The following OSBPL5 variants were observed in gnomAD, a reference collection of about 807,000 sequenced individuals.
The protein encoded by OSBPL5 is oxysterol binding protein like 5.
Under a neutral mutation model 111.2 loss-of-function variants are expected in OSBPL5, and 71 were observed. The ratio of observed to expected loss-of-function variants is 0.64; its 90% CI spans 0.53 to 0.78. The LOEUF (loss-of-function observed/expected upper bound fraction) is 0.78, where lower values mean the gene tolerates loss of function less well. Ranked by LOEUF, OSBPL5 falls within the 30% of genes least tolerant of loss-of-function variation. The pLI, the probability that OSBPL5 is intolerant of heterozygous loss-of-function variation, is 0.00. For missense variants in OSBPL5, 1,210 were observed against 1,189.3 expected (o/e 1.02, Z -0.26); for synonymous variants, 549 against 513.9 (o/e 1.07, Z -0.93).
intron 7 of OSBPL5, among the ~76,000 whole-genome samples, chr11:3,118,437 A>G (rs1020688186): frequency 2.0e-5 from 3 of 152,176 alleles, no homozygotes; most frequent in Non-Finnish European, 4.4e-5. Context: ...TTCATCTTGC[A>G]TGTGTTGACT....
At chr11:3,132,478 G>A (rs1160218765) in intron 1 of OSBPL5, among the ~76,000 whole-genome samples, 1 of 151,878 alleles carries the variant, frequency 6.6e-6, no homozygotes, top group Non-Finnish European at 1.5e-5. Context: ...CATTTTAAAG[G>A]CCACATCTCC....
intron 1 of OSBPL5, among the ~76,000 whole-genome samples, chr11:3,163,324 A>C (rs1279717053): frequency 1.3e-5 from 2 of 152,196 alleles, no homozygotes; most frequent in African/African-American, 4.8e-5. Context: ...CCACAGAATC[A>C]GCAGAGAGCA....
intron 14 of OSBPL5, among the ~76,000 whole-genome samples, chr11:3,097,147 GGA>G (rs1307907749): frequency 6.6e-6 from 1 of 151,528 alleles, no homozygotes; most frequent in Non-Finnish European, 1.5e-5. Flanking sequence ...GGGAGGAGGA[GGA>G]GAGGAAAAGG....
chr11:3,091,017 T>C (rs910095073), intron 19 of OSBPL5, among the ~76,000 whole-genome samples: 1 of 152,056 alleles, frequency 6.6e-6, no homozygotes, highest in Non-Finnish European at 1.5e-5. Context: ...GCAGAGATGA[T>C]GGCATGGGGG....
At chr11:3,117,535 A>C (rs1435029102) in intron 7 of OSBPL5, among the ~76,000 whole-genome samples, 4 of 152,228 alleles carry the variant, frequency 2.6e-5, no homozygotes, top group Admixed American at 2.0e-4. Flanking sequence ...GTCCAAGTAT[A>C]ATAAAGCAAA....
At position 3,142,204 on chromosome 11, in the gene OSBPL5, C is replaced by A. The variant is rs1590710313; in HGVS notation, c.-21-13035G>T. ...AAAGTGCTGGGATTACAGGCGTGAG[C>A]CACCGTGCCCGGCCGACAGCTGGTT... On this transcript the variant is annotated intron_variant, in intron 1 of 21. Transcript: ENST00000263650. The surrounding 1 kb of genome is among the most constrained non-coding windows in gnomAD (Gnocchi z 7.1). Among the ~76,000 whole-genome samples, 1 of 152,368 alleles carries A rather than the reference C, an allele frequency of 6.6e-6. No homozygotes were observed. The highest frequency in any genetic ancestry group is 1.5e-5 in the Non-Finnish European group (1 of 68,042).
In OSBPL5 at chr11:3,087,637, A is replaced by G. The variant is rs998762585; in HGVS notation, c.*568T>C. Reference sequence around the variant, plus strand: ...GCCTCTGTGGGGCTCCCATCCAAACAGCACAGCGTGGAATAAAAAACCAAA... The same window carrying G: ...GCCTCTGTGGGGCTCCCATCCAAACGGCACAGCGTGGAATAAAAAACCAAA... On this transcript the variant is annotated 3_prime_UTR_variant, in exon 22 of 22. Transcript: ENST00000263650. 1 of 152,848 alleles carries G rather than the reference A, an allele frequency of 6.5e-6. No homozygotes were observed. Among genetic ancestry groups the G allele is most frequent in the Admixed American group, 6.5e-5 (1 of 15,284 alleles). The allele number at this position is 152,848 out of a possible 1,614,324, so 9.5% of individuals were successfully genotyped here. A position where few individuals can be genotyped will look rare whatever the true frequency, so the allele number is the denominator to read the frequency against.
intron 1 of OSBPL5, among the ~76,000 whole-genome samples, chr11:3,139,731 C>G (rs1846050572): frequency 6.6e-6 from 1 of 152,210 alleles, no homozygotes; most frequent in East Asian, 1.9e-4. Flanking sequence ...CTCGGCTTCC[C>G]TCTCTGGGCT....
rs1231631516 is a variant in OSBPL5 at position 3,092,598 on chromosome 11, C to T, written c.2133-40G>A. 6.5e-7 allele frequency: 1 copy of T among 1,534,450 alleles called. No homozygotes were observed. The highest frequency in any genetic ancestry group is 2.4e-5 in the East Asian group (1 of 41,930). On this transcript the variant is annotated intron_variant, in intron 18 of 21. Transcript: ENST00000263650. This position sits in a 1 kb window ranked among gnomAD's most constrained non-coding sequence, Gnocchi z 5.4. Reference sequence around the variant, plus strand: ...GGGCGTTCATCAGCACAGGCAGTGGCCCTCAGGTGAGGGGGCTGTCCTGGC... The same window carrying T: ...GGGCGTTCATCAGCACAGGCAGTGGTCCTCAGGTGAGGGGGCTGTCCTGGC...
In OSBPL5 at chr11:3,130,395, C is replaced by T. The variant is rs1245635679; in HGVS notation, c.-21-1226G>A. Among the ~76,000 whole-genome samples the T allele has an allele frequency of 1.3e-5, 2 of 150,836 alleles. No homozygotes were observed. Among genetic ancestry groups the T allele is most frequent in the Non-Finnish European group, 3.0e-5 (2 of 67,262 alleles). Reference sequence around the variant, plus strand: ...AAAGGCCTCGATTTCTCCCATGGTCCTGGGCTTTGCTGGGGGGGGCCTCAG... The same window carrying T: ...AAAGGCCTCGATTTCTCCCATGGTCTTGGGCTTTGCTGGGGGGGGCCTCAG... On this transcript the variant is annotated intron_variant, in intron 1 of 21. Coordinates refer to ENST00000263650, the MANE Select transcript of OSBPL5 (RefSeq NM_020896.4). The surrounding 1 kb of genome is among the most constrained non-coding windows in gnomAD (Gnocchi z 4.5).
At position 3,093,648 on chromosome 11, in the gene OSBPL5, T is replaced by C; in HGVS notation, c.1825A>G (p.Ile609Val). Residue 609 changes from isoleucine (I) to valine (V), a missense_variant, in exon 17 of 22, where the codon ATC (isoleucine) becomes GTC (valine). Physicochemically the swap from Ile to Val is conservative, Grantham distance 29. Transcript: ENST00000263650. ...CTGCTTCCGCTCCCTTCCTCCTTGA[T>C]AAACACGTCCCTGTCCTGCCCCAGA... ...LSGHWDRDVF[I>V]KEEGSGSSAL... 6.2e-7 allele frequency: 1 copy of C among 1,613,218 alleles called. No homozygotes were observed.
intron 19 of OSBPL5, among the ~76,000 whole-genome samples, chr11:3,091,244 G>A (rs1857045294): frequency 6.6e-6 from 1 of 152,276 alleles, no homozygotes; most frequent in Non-Finnish European, 1.5e-5. Flanking sequence ...AAGGAACCCA[G>A]GACAGGAACT....
rs764398770 is a variant in OSBPL5 at position 3,092,531 on chromosome 11, G to T, written c.2160C>A (p.Asp720Glu). 1.9e-6 allele frequency: 3 copies of T among 1,590,660 alleles called. No homozygotes were observed. Among genetic ancestry groups the T allele is most frequent in the Admixed American group, 3.5e-5 (2 of 56,884 alleles). Residue 720 changes from aspartate to glutamate, a missense_variant, in exon 19 of 22, where the codon GAC becomes GAA. Asp to Glu is a conservative substitution (Grantham distance 45). Transcript: ENST00000263650. The surrounding 1 kb of genome is among the most constrained non-coding windows in gnomAD (Gnocchi z 5.4). The part of the protein sequence containing the change: ...EDHSPWDPLK[D>E]IAQFEQDGIL... ...TCCCGTCTTGCTCAAACTGGGCGATGTCCTTCAGGGGGTCCCAGGGGCTGT... is the reference window on the plus strand; with the variant it reads ...TCCCGTCTTGCTCAAACTGGGCGATTTCCTTCAGGGGGTCCCAGGGGCTGT...
At chr11:3,116,508 T>G (rs923507039) in intron 7 of OSBPL5, among the ~76,000 whole-genome samples, 1 of 152,138 alleles carries the variant, frequency 6.6e-6, no homozygotes, top group Non-Finnish European at 1.5e-5. Flanking sequence ...AGCTGAAATG[T>G]TCATAAATTT....
At chr11:3,149,220 C>T (rs534373486) in intron 1 of OSBPL5, among the ~76,000 whole-genome samples, 1 of 152,372 alleles carries the variant, frequency 6.6e-6, no homozygotes, top group African/African-American at 2.4e-5. Context: ...GCGTCCACAC[C>T]ACCACGCTGG....
chr11:3,131,694 T>TCGTCTATC (rs1564850007), intron 1 of OSBPL5, among the ~76,000 whole-genome samples: 2 of 34,454 alleles, frequency 5.8e-5, no homozygotes, highest in African/African-American at 3.1e-4. Context: ...ACCCACCCAT[T>TCGTCTATC]CATCTATCCA....
At chr11:3,159,053 C>T (rs1030416085) in intron 1 of OSBPL5, among the ~76,000 whole-genome samples, 13 of 152,176 alleles carry the variant, frequency 8.5e-5, no homozygotes, top group Non-Finnish European at 1.6e-4. Flanking sequence ...CCATTTCCTC[C>T]GTCTCAGAGG....
chr11:3,129,017 G>T lies in OSBPL5; in HGVS notation c.132C>A (p.Ser44Arg). 2.5e-6 allele frequency: 4 copies of T among 1,576,770 alleles called. No individual in the cohort carries two copies. The highest frequency in any genetic ancestry group is 3.4e-6 in the Non-Finnish European group (4 of 1,162,712). Reference protein sequence around the residue: ...LSGDNELYPLSPGKDMEPNGP... With the variant: ...LSGDNELYPLRPGKDMEPNGP... Reference sequence around the variant, plus strand: ...CTGCCCACGGCCGGCACTTACCTGGGCTGAGTGGGTAGAGCTCATTGTCTC... The same window carrying T: ...CTGCCCACGGCCGGCACTTACCTGGTCTGAGTGGGTAGAGCTCATTGTCTC... The change falls in exon 2 of 22, where the codon AGC becomes AGA. Residue 44 changes from serine to arginine, a missense_variant. Physicochemically the swap from Ser to Arg is moderately radical, Grantham distance 110. Coordinates refer to ENST00000263650, the MANE Select transcript of OSBPL5 (RefSeq NM_020896.4).
chr11:3,092,949 G>A lies in OSBPL5; in HGVS notation c.2050C>T (p.Arg684Trp), dbSNP rs746630605. Reference protein sequence around the residue: ...EEAQRQRARERQESLMPWKPQ... With the variant: ...EEAQRQRAREWQESLMPWKPQ... ...TTCCAGGGCATGAGGCTCTCCTGCCGCTCACGGGCCCGCTGCCGCTGTGCC... is the reference window on the plus strand; with the variant it reads ...TTCCAGGGCATGAGGCTCTCCTGCCACTCACGGGCCCGCTGCCGCTGTGCC... The change falls in exon 18 of 22, where the codon CGG (arginine) becomes TGG (tryptophan). Residue 684 changes from arginine (R) to tryptophan (W), a missense_variant. Coordinates refer to ENST00000263650, the MANE Select transcript of OSBPL5 (RefSeq NM_020896.4). This position sits in a 1 kb window ranked among gnomAD's most constrained non-coding sequence, Gnocchi z 5.4. The A allele has an allele frequency of 2.2e-5, 35 of 1,586,082 alleles. No homozygotes were observed. Among genetic ancestry groups the A allele is most frequent in the Admixed American group, 3.6e-5 (2 of 55,164 alleles).
Sources: gnomAD v4.1 joint callset for allele counts (sites outside exome capture counted in the v4.1 genomes callset) on GRCh38, gnomAD v4.1.1 for gene constraint, Gnocchi (gnomAD v3.1) non-coding constraint, MANE v1.5 for transcripts, NCBI Gene and HGNC (gene_info 2026-07-23, HGNC 2026-07-21) for gene names.